The following CSE1L variants were observed in gnomAD, a reference collection of about 807,000 sequenced individuals.
The protein encoded by CSE1L is chromosome segregation 1 like, also known as exportin-2.
A neutral mutation model predicts 120.4 loss-of-function variants in CSE1L; 24 were observed. That is an observed-to-expected ratio of 0.20 (90% CI 0.14 to 0.28). The LOEUF is 0.28. CSE1L is among the 10% of genes least tolerant of loss of function. The pLI is 1.00. For missense variants in CSE1L, 830 were observed against 1,145.2 expected (o/e 0.72, Z 3.97); for synonymous variants, 402 against 398.3 (o/e 1.01, Z -0.11).
chr20:49,068,934 G>T (rs1449907478), intron 7 of CSE1L, 112 bp downstream of exon 7: 2 of 739,216 alleles, frequency 2.7e-6, no homozygotes, highest in Non-Finnish European at 2.2e-6. Context: ...GAAAGAAAAG[G>T]TTTTTTCTGA....
At chr20:49,061,088 C>T (rs1476106146) in intron 2 of CSE1L, among the ~76,000 whole-genome samples, 2 of 151,886 alleles carry the variant, frequency 1.3e-5, no homozygotes, top group Non-Finnish European at 1.5e-5. Context: ...TAATGTGTTC[C>T]TGGATAAAGG....
At chr20:49,075,612 T>C in intron 12 of CSE1L, 92 bp downstream of exon 12, 5 of 968,494 alleles carry the variant, frequency 5.2e-6, no homozygotes, top group Non-Finnish European at 6.3e-6. Flanking sequence ...TAATAGAGCT[T>C]ACTCTGCCAG....
chr20:49,085,247 G>C (rs754077803), intron 15 of CSE1L, 36 bp from the exon 16 acceptor site: 1 of 1,514,898 alleles, frequency 6.6e-7, no homozygotes, highest in Non-Finnish European at 9.2e-7. Context: ...AAGCTCAAGA[G>C]TTGGTAGTGA....
At chr20:49,089,827 A>G in intron 19 of CSE1L, 81 bp downstream of exon 19, 3 of 1,346,286 alleles carry the variant, frequency 2.2e-6, no homozygotes, top group Non-Finnish European at 3.1e-6. Flanking sequence ...AAATTTTTTT[A>G]TTTAAAATAA....
chr20:49,064,965 G>T (rs2091879537), intron 3 of CSE1L, among the ~76,000 whole-genome samples: 1 of 151,418 alleles, frequency 6.6e-6, no homozygotes, highest in African/African-American at 2.4e-5. Flanking sequence ...GACCAGCCTG[G>T]ACAACAAAGT....
chr20:49,086,760 C>T (rs772499693), intron 16 of CSE1L, among the ~76,000 whole-genome samples: 1 of 152,190 alleles, frequency 6.6e-6, no homozygotes, highest in Non-Finnish European at 1.5e-5. Flanking sequence ...AATACCTTCT[C>T]TGTACGGTTG....
At chr20:49,059,343 A>G (rs944703809) in intron 2 of CSE1L, among the ~76,000 whole-genome samples, 5 of 152,068 alleles carry the variant, frequency 3.3e-5, no homozygotes, top group Admixed American at 2.6e-4. Flanking sequence ...AAAAACGTAG[A>G]ATTAAAATAT....
intron 3 of CSE1L, among the ~76,000 whole-genome samples, chr20:49,064,355 AAG>A (rs1329967134): frequency 6.6e-6 from 1 of 152,226 alleles, no homozygotes; most frequent in Non-Finnish European, 1.5e-5. Flanking sequence ...CATTCCATAA[AAG>A]AGAGAGTAAA....
intron 11 of CSE1L, 123 bp from the exon 12 acceptor site, chr20:49,075,181 CCTTTGTTTTTCGTT>C (rs2091960418): frequency 1.5e-6 from 1 of 660,146 alleles, no homozygotes; most frequent in Non-Finnish European, 2.5e-6. Flanking sequence ...ATTGGGTGGC[CCTTTGTTTTTCGTT>C]CTTTTTTTTC....
intron 2 of CSE1L, among the ~76,000 whole-genome samples, chr20:49,061,486 A>AT (rs55830077): frequency 0.2 from 26,865 of 132,652 alleles, 3,398 homozygotes; most frequent in East Asian, 0.35. Context: ...AATTATTATT[A>AT]TTATTTATTT....
At chr20:49,076,107 A>G (rs2091966287) in intron 12 of CSE1L, among the ~76,000 whole-genome samples, 1 of 151,824 alleles carries the variant, frequency 6.6e-6, no homozygotes, top group Non-Finnish European at 1.5e-5. Flanking sequence ...GCTGGGATAC[A>G]GGTGTGAGTC....
chr20:49,056,438 A>G (rs3091976), intron 1 of CSE1L, among the ~76,000 whole-genome samples: 21,101 of 152,220 alleles, frequency 0.14, 1,951 homozygotes, highest in East Asian at 0.36. Context: ...TTTACATACT[A>G]TAAGATTTAT....
intron 1 of CSE1L, among the ~76,000 whole-genome samples, chr20:49,047,795 G>T (rs1458773980): frequency 6.6e-6 from 1 of 151,780 alleles, no homozygotes; most frequent in Non-Finnish European, 1.5e-5. Context: ...ATGTTGATCA[G>T]GCTGTCTAAT....
At chr20:49,066,577 G>GTGTTTTTGTGACTGTTGTCATTCCTTTGA in intron 5 of CSE1L, 67 bp downstream of exon 5, 1 of 1,390,136 alleles carries the variant, frequency 7.2e-7, no homozygotes. Context: ...GTAAACAGTT[G>GTGTTTTTGTGACTGTTGTCATTCCTTTGA]TGTTTTTGTG....
chr20:49,073,279 C>T (rs532098631), intron 10 of CSE1L, among the ~76,000 whole-genome samples: 72 of 152,292 alleles, frequency 4.7e-4, no homozygotes, highest in African/African-American at 1.7e-3. Flanking sequence ...TCCCAAAGTG[C>T]TGGGATTGCA....
chr20:49,090,636 G>C (rs373550177), intron 19 of CSE1L, 106 bp from the exon 20 acceptor site: 1 of 814,262 alleles, frequency 1.2e-6, no homozygotes. Flanking sequence ...AAGAGAAAAG[G>C]ATAGATTATT....
chr20:49,083,536 A>G (rs1041868165), intron 14 of CSE1L, among the ~76,000 whole-genome samples: 4 of 152,116 alleles, frequency 2.6e-5, no homozygotes, highest in African/African-American at 9.7e-5. Flanking sequence ...AAGTATTGGG[A>G]TTATAGACAG....
At chr20:49,072,139 A>G (rs2091936872) in intron 8 of CSE1L, 147 bp from the exon 9 acceptor site, 2 of 769,046 alleles carry the variant, frequency 2.6e-6, no homozygotes, top group Non-Finnish European at 4.2e-6. Context: ...TGGTGAAAAG[A>G]TTGGTGGTGG....
Position 49,089,755 on chromosome 20 carries a change from G to C in CSE1L, c.2181+9G>C, listed in dbSNP as rs2092086827. ...CTGCAGCTGACAAAATTGTGCGTCA[G>C]GTTTTGATATAACTGTAATTTTATA... On this transcript the variant is annotated intron_variant, in intron 19 of 24. Transcript: ENST00000262982. 1.9e-6 allele frequency: 3 copies of C among 1,612,710 alleles called. No individual in the cohort carries two copies. The African/African-American group carries it at 4.0e-5, about 22-fold the overall frequency.
Sources: allele counts gnomAD v4.1 joint callset (sites outside exome capture counted in the v4.1 genomes callset), GRCh38; gene constraint gnomAD v4.1.1; transcripts MANE v1.5; gene names NCBI Gene and HGNC (gene_info 2026-07-23, HGNC 2026-07-21).